The following ZDHHC20 variants were observed in gnomAD, a reference collection of about 807,000 sequenced individuals.
ZDHHC20 encodes the protein zDHHC palmitoyltransferase 20, also known as palmitoyltransferase ZDHHC20.
ZDHHC20 carries 43 observed loss-of-function variants against 57.8 expected under a neutral mutation model. That is an observed-to-expected ratio of 0.74 (90% CI 0.58 to 0.96). The LOEUF (loss-of-function observed/expected upper bound fraction) is 0.96. Ranked by LOEUF, ZDHHC20 falls within the 40% of genes least tolerant of loss-of-function variation. ZDHHC20 has a pLI of 0.00. For synonymous variants in ZDHHC20, 157 were observed against 153.0 expected (o/e 1.03, Z -0.19); for missense variants, 391 against 441.1 (o/e 0.89, Z 1.02).
chr13:21,397,690 G>C (rs1402588366), intron 7 of ZDHHC20, among the ~76,000 whole-genome samples: 1 of 151,934 alleles, frequency 6.6e-6, no homozygotes, highest in African/African-American at 2.4e-5. Flanking sequence ...AAAAAGATTA[G>C]TATCTTTAAT....
chr13:21,442,288 C>A (rs528008717), intron 1 of ZDHHC20, among the ~76,000 whole-genome samples: 10 of 152,072 alleles, frequency 6.6e-5, no homozygotes, highest in African/African-American at 2.4e-4. Flanking sequence ...TGGCTTTTTC[C>A]ATTTCTATCC....
intron 4 of ZDHHC20, among the ~76,000 whole-genome samples, chr13:21,408,325 A>G (rs190204047): frequency 6.6e-6 from 1 of 152,214 alleles, no homozygotes; most frequent in African/African-American, 2.4e-5. Context: ...CTCCTTGAAG[A>G]GCTCCTTCAC....
At chr13:21,408,102 GCT>G (rs1226231344) in intron 4 of ZDHHC20, among the ~76,000 whole-genome samples, 1 of 152,114 alleles carries the variant, frequency 6.6e-6, no homozygotes, top group African/African-American at 2.4e-5. Context: ...GGCTATACAG[GCT>G]CTTTTTTTGG....
In ZDHHC20 at chr13:21,381,472, C is replaced by T; in HGVS notation, c.1022G>A (p.Trp341Ter). 1 of 1,613,842 alleles carries T rather than the reference C, an allele frequency of 6.2e-7. No individual in the cohort carries two copies. Residue 341 changes from tryptophan (W) to a stop codon, truncating the protein, a stop_gained, in exon 11 of 13, where the codon TGG becomes TAG. Transcript: ENST00000400590. LOFTEE classifies it high-confidence loss of function. ...KNRLLDSESQ[W>*]LENGAEEGIV... Reference sequence around the variant, plus strand: ...GCCTTCTTCAGCTCCATTCTCCAGCCACTGAGATTCACTGTCCAACAAGCG... The same window carrying T: ...GCCTTCTTCAGCTCCATTCTCCAGCTACTGAGATTCACTGTCCAACAAGCG...
At chr13:21,448,633 G>C (rs1434227745) in intron 1 of ZDHHC20, among the ~76,000 whole-genome samples, 1 of 99,752 alleles carries the variant, frequency 1.0e-5, no homozygotes, top group African/African-American at 3.1e-5. Flanking sequence ...GCCCCGTCCG[G>C]GAGGTGAGGG....
intron 1 of ZDHHC20, among the ~76,000 whole-genome samples, chr13:21,434,098 G>C (rs757007424): frequency 3.3e-5 from 5 of 151,988 alleles, no homozygotes; most frequent in Admixed American, 6.6e-5. Flanking sequence ...GTGTGTGTGT[G>C]TGTGTGTCTG....
At chr13:21,434,574 T>C (rs1882350493) in intron 1 of ZDHHC20, among the ~76,000 whole-genome samples, 1 of 152,228 alleles carries the variant, frequency 6.6e-6, no homozygotes, top group Non-Finnish European at 1.5e-5. Context: ...TCATTGTCAT[T>C]CTCTAGCAAA....
chr13:21,381,622 G>C (rs766584519), intron 10 of ZDHHC20, 73 bp from the exon 11 acceptor site: 9 of 1,006,750 alleles, frequency 8.9e-6, no homozygotes, highest in Admixed American at 4.3e-5. Flanking sequence ...TTAATAAGCA[G>C]CAAATTAGTA....
Position 21,387,615 on chromosome 13 carries a change from C to A in ZDHHC20, c.747G>T (p.Thr249=). Reference sequence around the variant, plus strand: ...CATTTCCATCAGGTCCGTATGAAAACGTGGGTGCGCGGAATGATTCTGTTA... The same window carrying A: ...CATTTCCATCAGGTCCGTATGAAAAAGTGGGTGCGCGGAATGATTCTGTTA... ...RTTIESFRAP[T]FSYGPDGNGF... The change falls in exon 9 of 13, where the codon ACG becomes ACT. Residue 249 remains threonine (T), a synonymous_variant. Coordinates refer to ENST00000400590, the MANE Select transcript of ZDHHC20 (RefSeq NM_001330059.2). The A allele has an allele frequency of 4.1e-6, 6 of 1,477,048 alleles. No individual in the cohort carries two copies. Among genetic ancestry groups the A allele is most frequent in the African/African-American group, 1.4e-5 (1 of 70,090 alleles). The allele number at this position is 1,477,048 out of a possible 1,614,324, so 91.5% of individuals were successfully genotyped here.
chr13:21,451,089 A>G (rs1188932337), intron 1 of ZDHHC20, among the ~76,000 whole-genome samples: 2 of 152,150 alleles, frequency 1.3e-5, no homozygotes, highest in African/African-American at 4.8e-5. Flanking sequence ...TTCACATTTA[A>G]CTTTTCCTAT....
At chr13:21,415,364 T>C (rs559977705) in intron 3 of ZDHHC20, among the ~76,000 whole-genome samples, 44 of 152,172 alleles carry the variant, frequency 2.9e-4, no homozygotes, top group Non-Finnish European at 4.4e-4. Flanking sequence ...CTTTAGGAAA[T>C]AGAAGAGTCT....
At chr13:21,411,202 C>A (rs992835698) in intron 4 of ZDHHC20, among the ~76,000 whole-genome samples, 9 of 152,204 alleles carry the variant, frequency 5.9e-5, no homozygotes, top group African/African-American at 2.2e-4. Context: ...CACTGTCTAA[C>A]CAGTCCCAAT....
At chr13:21,381,826 A>T in intron 10 of ZDHHC20, 1 of 560,062 alleles carries the variant, frequency 1.8e-6, no homozygotes, top group Non-Finnish European at 3.4e-6. Flanking sequence ...AATGTTCTTA[A>T]TATGTTAATC....
At chr13:21,398,587 T>C (rs972442279) in intron 7 of ZDHHC20, among the ~76,000 whole-genome samples, 5 of 152,254 alleles carry the variant, frequency 3.3e-5, no homozygotes, top group Non-Finnish European at 5.9e-5. Flanking sequence ...AGCTCATTTT[T>C]TTCCCCTAGT....
At chr13:21,417,749 C>T (rs1880167397) in intron 3 of ZDHHC20, among the ~76,000 whole-genome samples, 1 of 151,934 alleles carries the variant, frequency 6.6e-6, no homozygotes, top group Non-Finnish European at 1.5e-5. Flanking sequence ...CTAGTTTTTG[C>T]TTTTTAGACC....
intron 4 of ZDHHC20, among the ~76,000 whole-genome samples, chr13:21,407,334 G>A (rs1338930652): frequency 3.9e-5 from 6 of 152,314 alleles, no homozygotes; most frequent in Middle Eastern, 3.4e-3. Context: ...TAACTGGTGT[G>A]AGATGGTATC....
chr13:21,385,801 C>T (rs1391038823), intron 9 of ZDHHC20, among the ~76,000 whole-genome samples: 1 of 152,082 alleles, frequency 6.6e-6, no homozygotes, highest in Non-Finnish European at 1.5e-5. Flanking sequence ...CACCAAGGAA[C>T]CTCATCAAAC....
chr13:21,432,505 G>A (rs535757064), intron 1 of ZDHHC20, among the ~76,000 whole-genome samples: 1 of 151,846 alleles, frequency 6.6e-6, no homozygotes, highest in Non-Finnish European at 1.5e-5. Context: ...AATTTTTTTT[G>A]TGTTTTTTAG....
intron 1 of ZDHHC20, among the ~76,000 whole-genome samples, chr13:21,428,646 G>A (rs561892679): frequency 1.3e-4 from 19 of 151,734 alleles, no homozygotes; most frequent in African/African-American, 3.4e-4. Flanking sequence ...GGATCACGAG[G>A]TCAGGAGTTC....
Sources: allele counts gnomAD v4.1 joint callset (sites outside exome capture counted in the v4.1 genomes callset), GRCh38; gene constraint gnomAD v4.1.1; transcripts MANE v1.5; gene names NCBI Gene and HGNC (gene_info 2026-07-23, HGNC 2026-07-21).